Variants in SLC45A3 observed in about 807,000 individuals in gnomAD.
SLC45A3 encodes the protein prostate cancer associated protein 2.
A neutral mutation model predicts 35.3 loss-of-function variants in SLC45A3; 17 were observed. That is an observed-to-expected ratio of 0.48 (90% CI 0.33 to 0.72). The LOEUF is 0.72. Among genes scored for constraint, SLC45A3 ranks in the 30% least tolerant of loss-of-function variants. The pLI is 0.02. For missense variants in SLC45A3, 597 were observed against 731.7 expected (o/e 0.82, Z 2.12); for synonymous variants, 288 against 334.3 (o/e 0.86, Z 1.51).
intron 1 of SLC45A3, among the ~76,000 whole-genome samples, chr1:205,672,616 T>G (rs986946077): frequency 6.6e-6 from 1 of 152,166 alleles, no homozygotes; most frequent in Non-Finnish European, 1.5e-5. Context: ...ATGCCCAAGG[T>G]TGCACAAATA....
intron 1 of SLC45A3, among the ~76,000 whole-genome samples, chr1:205,676,913 T>C (rs1011319283): frequency 6.6e-6 from 1 of 152,158 alleles, no homozygotes; most frequent in Non-Finnish European, 1.5e-5. Context: ...TCTCCACCCC[T>C]GCTGCCCAGC....
rs1670954376 is a variant in SLC45A3 at position 205,657,988 on chromosome 1, T to A, written c.*1246A>T. 4.4e-6 allele frequency: 1 copy of A among 225,776 alleles called. No individual in the cohort carries two copies. The highest frequency in any genetic ancestry group is 1.4e-3 in the Middle Eastern group (1 of 734). The allele number at this position is 225,776 out of a possible 1,614,324, so 14.0% of individuals were successfully genotyped here. A position where few individuals can be genotyped will look rare whatever the true frequency, so the allele number is the denominator to read the frequency against. On this transcript the variant is annotated 3_prime_UTR_variant, in exon 5 of 5. Transcript: ENST00000367145. Reference sequence around the variant, plus strand: ...CGGCACTTAAACCCCCCCTGAGAGATAAGACCTCCCTTAGCTCAGGCAGGG... The same window carrying A: ...CGGCACTTAAACCCCCCCTGAGAGAAAAGACCTCCCTTAGCTCAGGCAGGG...
Position 205,662,411 on chromosome 1 carries a change from A to G in SLC45A3, c.959-285T>C, listed in dbSNP as rs1671043584. 7.4e-7 allele frequency: 1 copy of G among 1,355,452 alleles called. No individual in the cohort carries two copies. Among genetic ancestry groups the G allele is most frequent in the Non-Finnish European group, 9.5e-7 (1 of 1,056,712 alleles). The allele number at this position is 1,355,452 out of a possible 1,614,324, so 84.0% of individuals were successfully genotyped here. A position where few individuals can be genotyped will look rare whatever the true frequency, so the allele number is the denominator to read the frequency against. On this transcript the variant is annotated intron_variant, in intron 3 of 4. Transcript: ENST00000367145. The surrounding 1 kb of genome is among the most constrained non-coding windows in gnomAD (Gnocchi z 6.2). Reference sequence around the variant, plus strand: ...AGGACAGGCGGGTGAGAGGGAACACAAAGACAGCTGGCCATAGGCTTCAAG... The same window carrying G: ...AGGACAGGCGGGTGAGAGGGAACACGAAGACAGCTGGCCATAGGCTTCAAG...
chr1:205,659,652 C>G lies in SLC45A3; in HGVS notation c.1244G>C (p.Arg415Pro). 1 of 1,527,930 alleles carries G rather than the reference C, an allele frequency of 6.5e-7. No homozygotes were observed. Among genetic ancestry groups the G allele is most frequent in the East Asian group, 2.3e-5 (1 of 44,216 alleles). The allele number at this position is 1,527,930 out of a possible 1,614,324, so 94.6% of individuals were successfully genotyped here. The change falls in exon 5 of 5, where the codon CGA becomes CCA. Residue 415 changes from arginine to proline, a missense_variant. Arg to Pro is a moderately radical substitution (Grantham distance 103, BLOSUM62 -2). Coordinates refer to ENST00000367145, the MANE Select transcript of SLC45A3 (RefSeq NM_033102.3). The surrounding 1 kb of genome is among the most constrained non-coding windows in gnomAD (Gnocchi z 5.8). The part of the protein sequence containing the change: ...REKQVFLPKY[R>P]GDTGGASSED... ...ACTGCTAGCACCTCCAGTGTCCCCT[C>G]GGTATTTGGGCAGGAACACCTAAGG...
chr1:205,676,212 T>C (rs78590176), intron 1 of SLC45A3, among the ~76,000 whole-genome samples: 4,393 of 152,152 alleles, frequency 0.029, 153 homozygotes, highest in African/African-American at 0.082. Context: ...ATTTGCCAAC[T>C]CAAAGTACAC....
Position 205,659,366 on chromosome 1 carries a change from C to T in SLC45A3, c.1530G>A (p.Met510Ile). Residue 510 changes from methionine (M) to isoleucine (I), a missense_variant, in exon 5 of 5, where the codon ATG becomes ATA. Coordinates refer to ENST00000367145, the MANE Select transcript of SLC45A3 (RefSeq NM_033102.3). This position sits in a 1 kb window ranked among gnomAD's most constrained non-coding sequence, Gnocchi z 5.8. ...ACTGGCTGAGCTGGACAATGGAGCC[C>T]ATAAACAGGGATGGGGCCACCTGGG... ...LLSQVAPSLF[M>I]GSIVQLSQSV... 1 of 1,614,190 alleles carries T rather than the reference C, an allele frequency of 6.2e-7. No homozygotes were observed. Among genetic ancestry groups the T allele is most frequent in the Non-Finnish European group, 8.5e-7 (1 of 1,180,028 alleles).
intron 1 of SLC45A3, among the ~76,000 whole-genome samples, chr1:205,670,488 C>T (rs1364539560): frequency 1.3e-5 from 2 of 152,206 alleles, no homozygotes; most frequent in Admixed American, 6.5e-5. Flanking sequence ...GAAGCCCCCC[C>T]ACCTCAGGGA....
intron 2 of SLC45A3, 42 bp from the exon 3 acceptor site, chr1:205,663,660 T>A: frequency 6.6e-7 from 1 of 1,516,310 alleles, no homozygotes; most frequent in Non-Finnish European, 8.8e-7. Context: ...CTGGGACAAG[T>A]AAAGGGCAAG....
Position 205,674,617 on chromosome 1 carries a change from A to G in SLC45A3, c.-231+5777T>C, listed in dbSNP as rs1671279687. On this transcript the variant is annotated intron_variant, in intron 1 of 4. Coordinates refer to ENST00000367145, the MANE Select transcript of SLC45A3 (RefSeq NM_033102.3). Reference sequence around the variant, plus strand: ...GATGCTGTTTCAAAAAAAAAAAAAAAAAAAAAAAAAAGAGAAAAGCATACA... The same window carrying G: ...GATGCTGTTTCAAAAAAAAAAAAAAGAAAAAAAAAAAGAGAAAAGCATACA... Among the ~76,000 whole-genome samples, 6 of 151,406 alleles carry G rather than the reference A, an allele frequency of 4.0e-5. 1 individual carries two copies. The South Asian group carries it at 1.3e-3, about 32-fold the overall frequency.
intron 1 of SLC45A3, among the ~76,000 whole-genome samples, chr1:205,670,481 G>GC (rs957145982): frequency 6.6e-6 from 1 of 152,100 alleles, no homozygotes; most frequent in African/African-American, 2.4e-5. Flanking sequence ...TCAGAATGAA[G>GC]CCCCCCCACC....
intron 1 of SLC45A3, 47 bp downstream of exon 1, chr1:205,680,347 C>T (rs1671385907): frequency 6.6e-6 from 1 of 152,122 alleles, no homozygotes; most frequent in Non-Finnish European, 1.5e-5. Context: ...GCTCCCTTTC[C>T]CGCGCCGGGA....
At chr1:205,665,665 G>A (rs1278424183) in intron 1 of SLC45A3, among the ~76,000 whole-genome samples, 1 of 152,158 alleles carries the variant, frequency 6.6e-6, no homozygotes, top group African/African-American at 2.4e-5. Flanking sequence ...CTGACAGGAT[G>A]CCCAGCCACT....
chr1:205,673,482 C>T (rs1269995360), intron 1 of SLC45A3, among the ~76,000 whole-genome samples: 2 of 152,218 alleles, frequency 1.3e-5, no homozygotes, highest in Non-Finnish European at 2.9e-5. Context: ...TGTCCATGTA[C>T]AGCCAATCCT....
Position 205,659,258 on chromosome 1 carries a change from GCTCTTGTCAAATACTAC to G in SLC45A3, c.1621_1637del (p.Val541ArgfsTer30), listed in dbSNP as rs1558032913. On this transcript the variant is annotated frameshift_variant, in exon 5 of 5. Transcript: ENST00000367145. LOFTEE classifies it high-confidence loss of function. The surrounding 1 kb of genome is among the most constrained non-coding windows in gnomAD (Gnocchi z 5.8). ...TCTACGCTGAGTATTTGGCCAAGTCGCTCTTGTCAAATACTACCTGTGTAGCAAAGTAAATGGCGACC... is the reference window on the plus strand; with the variant it reads ...TCTACGCTGAGTATTTGGCCAAGTCGCTGTGTAGCAAAGTAAATGGCGACC... The G allele has an allele frequency of 1.2e-6, 2 of 1,612,942 alleles. No homozygotes were observed.
At position 205,659,478 on chromosome 1, in the gene SLC45A3, A is replaced by T; in HGVS notation, c.1418T>A (p.Val473Glu). Residue 473 changes from valine to glutamate, a missense_variant, in exon 5 of 5, where the codon GTG becomes GAG. Physicochemically the swap from Val to Glu is moderately radical, Grantham distance 121. Around this residue, in one of 3 missense-constraint regions of SLC45A3, gnomAD observed 555 missense variants for 664.9 expected, o/e 0.83. Transcript: ENST00000367145. This position sits in a 1 kb window ranked among gnomAD's most constrained non-coding sequence, Gnocchi z 5.8. ...ASACDVSVRV[V>E]VGEPTEARVV... ...CCTGGCCTCGGTGGGCTCACCCACC[A>T]CCACACGTACGGAGACATCACAGGC... 1.2e-6 allele frequency: 2 copies of T among 1,613,958 alleles called. No individual in the cohort carries two copies.
Position 205,662,887 on chromosome 1 carries a change from G to A in SLC45A3, c.904C>T (p.Gln302Ter). ...CCCGGCTCAGCTCTGGGCACGCCCT[G>A]GTACAGCCCCTCGCCCACGAAATCC... ...YTDFVGEGLY[Q>*]GVPRAEPGTE... The change falls in exon 3 of 5, where the codon CAG becomes TAG. Residue 302 changes from glutamine (Q) to a stop codon, truncating the protein, a stop_gained. Coordinates refer to ENST00000367145, the MANE Select transcript of SLC45A3 (RefSeq NM_033102.3). LOFTEE classifies it high-confidence loss of function. The surrounding 1 kb of genome is among the most constrained non-coding windows in gnomAD (Gnocchi z 6.2). 1 of 1,611,738 alleles carries A rather than the reference G, an allele frequency of 6.2e-7. No homozygotes were observed. Among genetic ancestry groups the A allele is most frequent in the Non-Finnish European group, 8.5e-7 (1 of 1,179,184 alleles).
In SLC45A3 at chr1:205,664,939, G is replaced by A. The variant is rs1671095288; in HGVS notation, c.-230-53C>T. ...ACGGGGTGTTAAGTCCTGGGAGCCA[G>A]GTCTCCACGATTTGCTCTAAATTGT... On this transcript the variant is annotated intron_variant, in intron 1 of 4. Transcript: ENST00000367145. The surrounding 1 kb of genome is among the most constrained non-coding windows in gnomAD (Gnocchi z 5.3). The A allele has an allele frequency of 1.6e-6, 2 of 1,261,414 alleles. No individual in the cohort carries two copies. The highest frequency in any genetic ancestry group is 1.5e-5 in the African/African-American group (1 of 66,000). The allele number at this position is 1,261,414 out of a possible 1,614,324, so 78.1% of individuals were successfully genotyped here. A position where few individuals can be genotyped will look rare whatever the true frequency, so the allele number is the denominator to read the frequency against.
chr1:205,665,012 T>C (rs1571535055), intron 1 of SLC45A3, 126 bp from the exon 2 acceptor site: 5 of 872,372 alleles, frequency 5.7e-6, no homozygotes, highest in South Asian at 4.4e-5. Flanking sequence ...GTCACCGAGG[T>C]GCCACCCCCT....
chr1:205,678,637 A>C (rs1671351119), intron 1 of SLC45A3, among the ~76,000 whole-genome samples: 1 of 152,184 alleles, frequency 6.6e-6, no homozygotes, highest in Non-Finnish European at 1.5e-5. Flanking sequence ...AATACATAGG[A>C]AAACTCCCCC....
Sources: gnomAD v4.1 joint callset for allele counts (sites outside exome capture counted in the v4.1 genomes callset) on GRCh38, gnomAD v4.1.1 for gene constraint, gnomAD v4.1.1 regional missense constraint, Gnocchi (gnomAD v3.1) non-coding constraint, MANE v1.5 for transcripts, NCBI Gene and HGNC (gene_info 2026-07-23, HGNC 2026-07-21) for gene names.